B3GALT1: variants seen among roughly 807,000 people sequenced by gnomAD.
B3GALT1 encodes beta-1,3-galactosyltransferase 1, also known as UDP-Gal:betaGlcNAc beta 1,3-galactosyltransferase, polypeptide 1.
In B3GALT1, 10 loss-of-function variants were observed where a neutral mutation model predicts 23.2. The ratio of observed to expected loss-of-function variants is 0.43; its 90% CI spans 0.27 to 0.73. B3GALT1 has a LOEUF of 0.73. B3GALT1 is among the 30% of genes least tolerant of loss of function. The pLI is 0.21. For missense variants in B3GALT1, 299 were observed against 405.4 expected, an observed-to-expected ratio of 0.74 and a Z score of 2.25; for synonymous variants, 156 against 141.5, an observed-to-expected ratio of 1.10 and a Z score of -0.73.
chr2:167,323,405 G>T (rs1301856491), intron 1 of B3GALT1, among the ~76,000 whole-genome samples: 1 of 150,212 alleles, frequency 6.7e-6, no homozygotes, highest in Admixed American at 6.7e-5. Context: ...ACCTTGAGTA[G>T]GCTGGTATTC....
chr2:167,485,527 T>C (rs1344264556), intron 1 of B3GALT1, among the ~76,000 whole-genome samples: 4 of 152,328 alleles, frequency 2.6e-5, no homozygotes, highest in Non-Finnish European at 5.9e-5. Flanking sequence ...CATAGTGCTA[T>C]GTATACAGTT....
intron 1 of B3GALT1, among the ~76,000 whole-genome samples, chr2:167,478,064 A>G (rs75187908): frequency 0.02 from 2,976 of 152,324 alleles, 92 homozygotes; most frequent in African/African-American, 0.068. Flanking sequence ...CTGCTTTGCA[A>G]TGAAATAAAT....
At chr2:167,578,335 C>T (rs988842) in intron 2 of B3GALT1, among the ~76,000 whole-genome samples, 8,442 of 151,884 alleles carry the variant, frequency 0.056, 332 homozygotes, top group South Asian at 0.18. Flanking sequence ...AAGGACAAAC[C>T]GAAATCCCAT....
chr2:167,544,996 C>A (rs897825275), intron 2 of B3GALT1, among the ~76,000 whole-genome samples: 1 of 146,948 alleles, frequency 6.8e-6, no homozygotes, highest in Non-Finnish European at 1.5e-5. Flanking sequence ...GGAAGGGGAC[C>A]CGGAAGGCCG....
intron 4 of B3GALT1, among the ~76,000 whole-genome samples, chr2:167,824,895 G>T (rs4349315): frequency 0.25 from 38,583 of 152,048 alleles, 6,175 homozygotes; most frequent in Non-Finnish European, 0.35. Flanking sequence ...TACACAATTA[G>T]ATGTGTGGGT....
At chr2:167,511,939 G>A (rs1044602675) in intron 2 of B3GALT1, among the ~76,000 whole-genome samples, 2 of 152,106 alleles carry the variant, frequency 1.3e-5, no homozygotes, top group Non-Finnish European at 2.9e-5. Flanking sequence ...GGGGAATACA[G>A]CAATGAATAC....
chr2:167,575,265 T>C (rs1421674357), intron 2 of B3GALT1, among the ~76,000 whole-genome samples: 1 of 151,936 alleles, frequency 6.6e-6, no homozygotes, highest in East Asian at 1.9e-4. Flanking sequence ...AAATACTGAC[T>C]TTACAGTCTG....
intron 2 of B3GALT1, among the ~76,000 whole-genome samples, chr2:167,520,419 G>A (rs1277021822): frequency 6.6e-6 from 1 of 152,146 alleles, no homozygotes; most frequent in Non-Finnish European, 1.5e-5. Context: ...GCTCTTGTCT[G>A]ATAAGAGGAG....
chr2:167,460,415 A>G (rs1699240956), intron 1 of B3GALT1, among the ~76,000 whole-genome samples: 1 of 151,658 alleles, frequency 6.6e-6, no homozygotes, highest in African/African-American at 2.4e-5. Flanking sequence ...TTTTCATTTC[A>G]GGTGTTCTAC....
chr2:167,753,239 C>G (rs1438809617), intron 3 of B3GALT1, among the ~76,000 whole-genome samples: 3 of 152,200 alleles, frequency 2.0e-5, no homozygotes, highest in African/African-American at 7.2e-5. Context: ...CAGCAAAGCC[C>G]TCTCACACTT....
At position 167,508,626 on chromosome 2, in the gene B3GALT1, T is replaced by A. The variant is rs574492748; in HGVS notation, c.-410+18349T>A. ...AGTTATGCTCTAAAATTGAACTTTTTTTTTAGAGTTTCTAATACTCAAATT... is the reference window on the plus strand; with the variant it reads ...AGTTATGCTCTAAAATTGAACTTTTATTTTAGAGTTTCTAATACTCAAATT... On this transcript the variant is annotated intron_variant, in intron 2 of 4. Transcript: ENST00000392690. Among the ~76,000 whole-genome samples the A allele has an allele frequency of 4.6e-5, 7 of 152,288 alleles. No individual in the cohort carries two copies. In the South Asian group the frequency reaches 1.5e-3, roughly 32 times the overall value.
intron 1 of B3GALT1, among the ~76,000 whole-genome samples, chr2:167,366,520 A>G (rs183585272): frequency 1.3e-5 from 2 of 152,318 alleles, no homozygotes; most frequent in Admixed American, 1.3e-4. Flanking sequence ...TCTGATATCT[A>G]TTGGGTTCAT....
chr2:167,867,342 A>G (rs1690254165), intron 4 of B3GALT1, among the ~76,000 whole-genome samples: 1 of 152,118 alleles, frequency 6.6e-6, no homozygotes, highest in African/African-American at 2.4e-5. Flanking sequence ...GCACCTTAGA[A>G]CAGAAATTTC....
intron 3 of B3GALT1, among the ~76,000 whole-genome samples, chr2:167,817,103 A>G (rs577687442): frequency 6.6e-6 from 1 of 152,332 alleles, no homozygotes; most frequent in Admixed American, 6.5e-5. Flanking sequence ...TGAACAAATG[A>G]CAAGGCACTG....
chr2:167,828,996 G>A (rs1188765188), intron 4 of B3GALT1, among the ~76,000 whole-genome samples: 2 of 152,176 alleles, frequency 1.3e-5, no homozygotes, highest in Admixed American at 6.5e-5. Context: ...ATAACAGAGA[G>A]AAACGTTTAC....
At chr2:167,623,643 C>T (rs919473902) in intron 2 of B3GALT1, among the ~76,000 whole-genome samples, 11 of 151,972 alleles carry the variant, frequency 7.2e-5, no homozygotes, top group African/African-American at 2.2e-4. Flanking sequence ...AGGAGAAATA[C>T]CTAATGTAGA....
At chr2:167,715,432 A>T (rs747056021) in intron 3 of B3GALT1, 142 of 1,609,316 alleles carry the variant, frequency 8.8e-5, no homozygotes, top group Non-Finnish European at 1.1e-4. Flanking sequence ...TTTCACTCAA[A>T]GCATCTTTTA....
chr2:167,477,055 C>T (rs1450029210), intron 1 of B3GALT1, among the ~76,000 whole-genome samples: 1 of 152,112 alleles, frequency 6.6e-6, no homozygotes, highest in South Asian at 2.1e-4. Flanking sequence ...ATCAAAGAAT[C>T]CTAATGCGTA....
At chr2:167,410,658 G>A (rs1475151673) in intron 1 of B3GALT1, among the ~76,000 whole-genome samples, 5 of 152,004 alleles carry the variant, frequency 3.3e-5, no homozygotes, top group African/African-American at 1.2e-4. Context: ...TAGATGATGG[G>A]TTGATGGGTG....
Sources: allele counts gnomAD v4.1 joint callset (sites outside exome capture counted in the v4.1 genomes callset), GRCh38; gene constraint gnomAD v4.1.1; transcripts MANE v1.5; gene names NCBI Gene and HGNC (gene_info 2026-07-23, HGNC 2026-07-21).